UQCRC1: variants seen among roughly 807,000 people sequenced by gnomAD.
UQCRC1 encodes the protein ubiquinol-cytochrome c reductase core protein 1.
A neutral mutation model predicts 58.0 loss-of-function variants in UQCRC1; 34 were observed. That is an observed-to-expected ratio of 0.59 (90% confidence interval 0.45 to 0.78). UQCRC1 has a LOEUF of 0.78. Ranked by LOEUF, UQCRC1 falls within the 30% of genes least tolerant of loss-of-function variation. The probability of loss-of-function intolerance (pLI) is 0.00; values close to 1 mark genes in which losing one functional copy is unlikely to be tolerated. For missense variants in UQCRC1, 610 were observed against 646.0 expected (o/e 0.94, Z 0.60); for synonymous variants, 276 against 248.8 (o/e 1.11, Z -1.03).
rs771354964 is a variant in UQCRC1, at chr3:48,600,114, G to A, written c.1251C>T (p.Leu417=). Residue 417 remains leucine (L), a synonymous_variant, in exon 11 of 13, where the codon CTC becomes CTT. Transcript: ENST00000203407. ...GGGGGATGCGGCGGCCATAGGTCAG[G>A]AGGCTGCGTCCGATGTCCTCACACA... ...TPVCEDIGRS[L]LTYGRRIPLA... is the part of the protein sequence containing the mutation. 6 of 1,614,026 alleles carry A rather than the reference G, an allele frequency of 3.7e-6. No homozygotes were observed. The East Asian group carries it at 1.1e-4, about 30-fold the overall frequency.
At chr3:48,599,316 AGAG>A (rs1349483614) in intron 12 of UQCRC1, 124 bp from the exon 13 acceptor site, 1 of 1,159,332 alleles carries the variant, frequency 8.6e-7, no homozygotes, top group African/African-American at 1.6e-5. Flanking sequence ...GAGTGGAAAG[AGAG>A]GAGAGAACAT....
chr3:48,601,008 G>C lies in UQCRC1; in HGVS notation c.933C>G (p.Ile311Met). ...NVALQVANAI[I>M]GHYDCTYGGG... ...CACCATAAGTGCAGTCATAGTGGCC[G>C]ATGATGGCATTGGCCACTTGCAAGG... The change falls in exon 8 of 13, where the codon ATC becomes ATG. Residue 311 changes from isoleucine to methionine, a missense_variant. Coordinates refer to ENST00000203407, the MANE Select transcript of UQCRC1 (RefSeq NM_003365.3). 6.2e-7 allele frequency: 1 copy of C among 1,607,922 alleles called. No individual in the cohort carries two copies. Among genetic ancestry groups the C allele is most frequent in the Non-Finnish European group, 8.5e-7 (1 of 1,174,990 alleles).
chr3:48,602,627 A>T (rs1382583680), intron 6 of UQCRC1, among the ~76,000 whole-genome samples: 2 of 146,534 alleles, frequency 1.4e-5, no homozygotes, highest in Non-Finnish European at 3.0e-5. Context: ...GGTTCAAGGG[A>T]TTCTCCTGCC....
intron 10 of UQCRC1, 149 bp from the exon 11 acceptor site, chr3:48,600,300 T>C (rs2107842645): frequency 1.9e-6 from 2 of 1,077,336 alleles, no homozygotes; most frequent in Non-Finnish European, 2.7e-6. Flanking sequence ...TCACCTATTA[T>C]GGCAGTGATG....
chr3:48,603,728 G>A, intron 5 of UQCRC1, 85 bp from the exon 6 acceptor site: 1 of 1,240,088 alleles, frequency 8.1e-7, no homozygotes, highest in Non-Finnish European at 1.2e-6. Context: ...TGAGGAGGCA[G>A]ACTAGGAGAG....
At chr3:48,608,682 T>C (rs2046435332) in intron 2 of UQCRC1, among the ~76,000 whole-genome samples, 1 of 152,262 alleles carries the variant, frequency 6.6e-6, no homozygotes, top group South Asian at 2.1e-4. Context: ...TCAAGATTTC[T>C]TGTGTCAATT....
rs762513063 is a variant in UQCRC1 at position 48,600,837 on chromosome 3, G to A, written c.970C>T (p.Leu324=). 9.3e-6 allele frequency: 15 copies of A among 1,613,748 alleles called. No homozygotes were observed. The highest frequency in any genetic ancestry group is 1.3e-5 in the Non-Finnish European group (15 of 1,180,032). Residue 324 remains leucine (L), a synonymous_variant, in exon 9 of 13, where the codon CTG becomes TTG. Coordinates refer to ENST00000203407, the MANE Select transcript of UQCRC1 (RefSeq NM_003365.3). ...GCACCTGAAGCCAGTGGGCTGGACAGGTGCTGCCAGGGGGATAGGTGGTCA... is the reference window on the plus strand; with the variant it reads ...GCACCTGAAGCCAGTGGGCTGGACAAGTGCTGCCAGGGGGATAGGTGGTCA... ...YDCTYGGGVH[L]SSPLASGAVA...
At chr3:48,602,502 C>T (rs2046375447) in intron 6 of UQCRC1, among the ~76,000 whole-genome samples, 1 of 151,106 alleles carries the variant, frequency 6.6e-6, no homozygotes, top group African/African-American at 2.4e-5. Context: ...CCGCCAAGGT[C>T]ATAAGCTGGG....
At chr3:48,609,375 A>G in intron 1 of UQCRC1, 73 bp from the exon 2 acceptor site, 1 of 1,541,448 alleles carries the variant, frequency 6.5e-7, no homozygotes, top group East Asian at 2.3e-5. Context: ...CCTCAGGAGG[A>G]CCCCCGAACC....
At chr3:48,604,567 T>G in intron 4 of UQCRC1, 84 bp downstream of exon 4, 1 of 1,601,022 alleles carries the variant, frequency 6.2e-7, no homozygotes, top group Middle Eastern at 1.8e-4. Flanking sequence ...AAGGGTAATA[T>G]GATTCTGTGG....
chr3:48,609,588 G>T lies in UQCRC1; in HGVS notation c.33C>A (p.Thr11=). The T allele has an allele frequency of 6.4e-7, 1 of 1,571,968 alleles. No homozygotes were observed. Among genetic ancestry groups the T allele is most frequent in the Non-Finnish European group, 8.6e-7 (1 of 1,163,454 alleles). Residue 11 remains threonine (T), a synonymous_variant, in exon 1 of 13, where the codon ACC becomes ACA. Transcript: ENST00000203407. Reference sequence around the variant, plus strand: ...CGCGCAATAGCACTTGTGCCCCGGCGGTAGCGGCCCGACAGACCACGGACG... The same window carrying T: ...CGCGCAATAGCACTTGTGCCCCGGCTGTAGCGGCCCGACAGACCACGGACG... MAASVVCRAA[T]AGAQVLLRAR... is the part of the protein sequence containing the mutation.
chr3:48,609,371 G>A (rs2046443802), intron 1 of UQCRC1, 69 bp from the exon 2 acceptor site: 1 of 1,553,780 alleles, frequency 6.4e-7, no homozygotes, highest in African/African-American at 1.4e-5. Flanking sequence ...AGGTCCTCAG[G>A]AGGACCCCCG....
chr3:48,601,131 A>G lies in UQCRC1; in HGVS notation c.823-13T>C. ...CACGGTGGCGGATCTGAAACAGTACATGACAAGGCTGAGGAACAGCCAGAC... is the reference window on the plus strand; with the variant it reads ...CACGGTGGCGGATCTGAAACAGTACGTGACAAGGCTGAGGAACAGCCAGAC... On this transcript the variant is annotated splice_polypyrimidine_tract_variant and intron_variant, in intron 7 of 12. Transcript: ENST00000203407. 1.3e-6 allele frequency: 2 copies of G among 1,591,508 alleles called. No individual in the cohort carries two copies. Among genetic ancestry groups the G allele is most frequent in the South Asian group, 1.1e-5 (1 of 89,270 alleles).
chr3:48,601,663 C>G (rs781200347), intron 6 of UQCRC1, among the ~76,000 whole-genome samples, 196 bp from the exon 7 acceptor site: 23 of 152,194 alleles, frequency 1.5e-4, no homozygotes, highest in Non-Finnish European at 2.5e-4. Flanking sequence ...CACCTCAGGG[C>G]CAAATAGCTC....
chr3:48,603,038 C>A (rs140541891), intron 6 of UQCRC1, among the ~76,000 whole-genome samples: 1 of 152,130 alleles, frequency 6.6e-6, no homozygotes, highest in African/African-American at 2.4e-5. Context: ...TCTTCCCCTG[C>A]GCTCAGCTCC....
At position 48,609,228 on chromosome 3, in the gene UQCRC1, C is replaced by T. The variant is rs565981804; in HGVS notation, c.144G>A (p.Thr48=). 3 of 1,613,050 alleles carry T rather than the reference C, an allele frequency of 1.9e-6. No homozygotes were observed. Among genetic ancestry groups the T allele is most frequent in the Admixed American group, 1.7e-5 (1 of 60,016 alleles). ...FAQALQFVPE[T]QVSLLDNGLR... ...GGCCGTTGTCCAGCAGGCTAACCTGCGTCTCCGGCACGAACTGGAGCGCCT... is the reference window on the plus strand; with the variant it reads ...GGCCGTTGTCCAGCAGGCTAACCTGTGTCTCCGGCACGAACTGGAGCGCCT... Residue 48 remains threonine, a synonymous_variant, in exon 2 of 13, where the codon ACG becomes ACA. Coordinates refer to ENST00000203407, the MANE Select transcript of UQCRC1 (RefSeq NM_003365.3).
chr3:48,605,749 G>A lies in UQCRC1; in HGVS notation c.297+21C>T, dbSNP rs74672788. Reference sequence around the variant, plus strand: ...AACAGGCAGCCCTAAGCCCAGAGGAGACAGACTTTAAGAGCCTCACCTTGA... The same window carrying A: ...AACAGGCAGCCCTAAGCCCAGAGGAAACAGACTTTAAGAGCCTCACCTTGA... On this transcript the variant is annotated intron_variant, in intron 3 of 12. Transcript: ENST00000203407. 720 of 1,611,602 alleles carry A rather than the reference G, an allele frequency of 4.5e-4. 13 individuals carry two copies. The East Asian group carries it at 0.012, about 26-fold the overall frequency.
intron 2 of UQCRC1, among the ~76,000 whole-genome samples, chr3:48,607,134 C>G (rs2046420890): frequency 6.6e-6 from 1 of 150,824 alleles, no homozygotes; most frequent in South Asian, 2.1e-4. Flanking sequence ...CTCTGCCTCC[C>G]AGGTTCATGG....
chr3:48,605,743 AG>A (rs760301597), intron 3 of UQCRC1, 26 bp downstream of exon 3: 1 of 1,610,082 alleles, frequency 6.2e-7, no homozygotes, highest in East Asian at 2.2e-5. Context: ...CCCTAAGCCC[AG>A]AGGAGACAGA....
Sources: allele counts gnomAD v4.1 joint callset (sites outside exome capture counted in the v4.1 genomes callset), GRCh38; gene constraint gnomAD v4.1.1; transcripts MANE v1.5; gene names NCBI Gene and HGNC (gene_info 2026-07-23, HGNC 2026-07-21).